The following PICALM variants were observed in gnomAD, a reference collection of about 807,000 sequenced individuals.
The protein encoded by PICALM is phosphatidylinositol-binding clathrin assembly protein.
Under a neutral mutation model 80.5 loss-of-function variants are expected in PICALM, and 40 were observed. The ratio of observed to expected loss-of-function variants is 0.50; its 90% CI spans 0.39 to 0.65. The LOEUF is 0.65. PICALM is among the 30% of genes least tolerant of loss of function. The pLI, the probability that PICALM is intolerant of heterozygous loss-of-function variation, is 0.00. For missense variants in PICALM, 676 were observed against 778.9 expected (o/e 0.87, Z 1.57); for synonymous variants, 288 against 260.3 (o/e 1.11, Z -1.02).
At chr11:86,066,828 G>A (rs2096455022) in intron 1 of PICALM, among the ~76,000 whole-genome samples, 1 of 151,560 alleles carries the variant, frequency 6.6e-6, no homozygotes, top group Non-Finnish European at 1.5e-5. Flanking sequence ...GATTTGGTAG[G>A]GCAAACCAAG....
intron 8 of PICALM, among the ~76,000 whole-genome samples, chr11:86,004,757 T>C (rs532002463): frequency 4.6e-5 from 7 of 152,322 alleles, no homozygotes; most frequent in African/African-American, 9.6e-5. Context: ...TTCTCTATCA[T>C]TGATGGCTTT....
At chr11:85,967,419 C>T (rs1459403369) in intron 19 of PICALM, among the ~76,000 whole-genome samples, 2 of 152,166 alleles carry the variant, frequency 1.3e-5, no homozygotes, top group East Asian at 3.8e-4. Flanking sequence ...TAGTAATAAG[C>T]AAGGTCTTAT....
intron 14 of PICALM, 108 bp downstream of exon 14, chr11:85,983,758 C>T: frequency 2.0e-6 from 1 of 509,910 alleles, no homozygotes; most frequent in Non-Finnish European, 3.5e-6. Flanking sequence ...ATTTCTTTGG[C>T]TACCCCAGTT....
chr11:86,058,119 C>T (rs1236084167), intron 1 of PICALM, among the ~76,000 whole-genome samples: 4 of 152,056 alleles, frequency 2.6e-5, no homozygotes, highest in African/African-American at 4.8e-5. Context: ...TTATTTTTTG[C>T]GATATACTTA....
chr11:86,047,058 T>C (rs2096084620), intron 1 of PICALM, among the ~76,000 whole-genome samples: 1 of 152,248 alleles, frequency 6.6e-6, no homozygotes, highest in African/African-American at 2.4e-5. Context: ...TTTAAATACT[T>C]GTCTAAAGTA....
At chr11:85,986,673 A>T (rs184898685) in intron 13 of PICALM, among the ~76,000 whole-genome samples, 9 of 151,804 alleles carry the variant, frequency 5.9e-5, no homozygotes, top group Admixed American at 5.9e-4. Flanking sequence ...TACAGGCGTG[A>T]GCCACCGCGC....
At chr11:86,018,125 C>T (rs1858573248) in intron 4 of PICALM, among the ~76,000 whole-genome samples, 1 of 152,136 alleles carries the variant, frequency 6.6e-6, no homozygotes, top group Non-Finnish European at 1.5e-5. Context: ...AGAATTCAAA[C>T]CTAGATTCAT....
intron 1 of PICALM, among the ~76,000 whole-genome samples, chr11:86,043,539 A>G (rs2096012483): frequency 6.6e-6 from 1 of 152,228 alleles, no homozygotes; most frequent in African/African-American, 2.4e-5. Flanking sequence ...TAAATGTCCC[A>G]TTTTTGTTTT....
intron 1 of PICALM, among the ~76,000 whole-genome samples, chr11:86,057,295 T>C (rs551488077): frequency 1.2e-4 from 19 of 152,188 alleles, no homozygotes; most frequent in African/African-American, 4.3e-4. Flanking sequence ...TCCCAGCACT[T>C]TGGGAGGCCG....
At chr11:85,968,941 T>C (rs2094000109) in intron 19 of PICALM, among the ~76,000 whole-genome samples, 1 of 132,104 alleles carries the variant, frequency 7.6e-6, no homozygotes, top group Admixed American at 8.0e-5. Flanking sequence ...TACAGAAAAA[T>C]GACTCAACAC....
chr11:86,059,329 A>C (rs554016261), intron 1 of PICALM, among the ~76,000 whole-genome samples: 1 of 152,342 alleles, frequency 6.6e-6, no homozygotes, highest in East Asian at 1.9e-4. Context: ...TCTGTGGAGG[A>C]AATGTGCATA....
intron 6 of PICALM, among the ~76,000 whole-genome samples, chr11:86,011,706 T>C (rs1268878578): frequency 6.6e-6 from 1 of 152,154 alleles, no homozygotes; most frequent in African/African-American, 2.4e-5. Context: ...CTTCAGACTA[T>C]AAAAAACAGA....
chr11:85,958,888 A>G lies in PICALM; in HGVS notation c.*158T>C, dbSNP rs982378022. On this transcript the variant is annotated 3_prime_UTR_variant, in exon 20 of 20. Transcript: ENST00000393346. The stretch of plus-strand genomic sequence containing the variant: ...TACGTTCTCCTATAAACTAGTCCCA[A>G]TTTCCTTCATGGGCCTTCACTGAGT... 12 of 542,220 alleles carry G rather than the reference A, an allele frequency of 2.2e-5. No homozygotes were observed. The highest frequency in any genetic ancestry group is 3.1e-5 in the Non-Finnish European group (9 of 293,774). 33.6% of individuals were successfully genotyped at this position (542,220 alleles called of 1,614,324 possible). A position where few individuals can be genotyped will look rare whatever the true frequency, so the allele number is the denominator to read the frequency against.
chr11:86,030,190 A>G (rs991401643), intron 2 of PICALM, among the ~76,000 whole-genome samples: 2 of 152,204 alleles, frequency 1.3e-5, no homozygotes, highest in Admixed American at 6.5e-5. Context: ...CTACATTATG[A>G]TTATAGCCAT....
At chr11:85,959,152 C>T (rs868371551) in intron 19 of PICALM, 92 bp from the exon 20 acceptor site, 1 of 776,428 alleles carries the variant, frequency 1.3e-6, no homozygotes, top group Middle Eastern at 3.2e-4. Context: ...ATTTAACTGG[C>T]CCAGAAGTGT....
chr11:86,018,438 A>C (rs1398131826), intron 4 of PICALM, among the ~76,000 whole-genome samples: 1 of 152,248 alleles, frequency 6.6e-6, no homozygotes, highest in African/African-American at 2.4e-5. Context: ...ATGTATATAT[A>C]TCTCAATGAC....
rs1309716599 is a variant in PICALM, at chr11:85,967,047, A to C, written c.1944+7661T>G. Reference sequence around the variant, plus strand: ...TACACTTTGTTACAGCAGTCCTAGGAAACTATAATATAAACTCTAATGCAG... The same window carrying C: ...TACACTTTGTTACAGCAGTCCTAGGCAACTATAATATAAACTCTAATGCAG... On this transcript the variant is annotated intron_variant, in intron 19 of 19. Coordinates refer to ENST00000393346, the MANE Select transcript of PICALM (RefSeq NM_007166.4). Among the ~76,000 whole-genome samples, 5 of 152,306 alleles carry C rather than the reference A, an allele frequency of 3.3e-5. 1 individual carries two copies. The East Asian group carries it at 5.8e-4, about 18-fold the overall frequency.
At chr11:86,036,280 G>A (rs1455938809) in intron 1 of PICALM, among the ~76,000 whole-genome samples, 1 of 152,104 alleles carries the variant, frequency 6.6e-6, no homozygotes, top group Non-Finnish European at 1.5e-5. Context: ...GAAATGAAAT[G>A]AACAGTCTTA....
intron 18 of PICALM, among the ~76,000 whole-genome samples, 161 bp from the exon 19 acceptor site, chr11:85,974,973 A>G (rs1352797596): frequency 6.6e-6 from 1 of 152,190 alleles, no homozygotes; most frequent in African/African-American, 2.4e-5. Context: ...CAAACTTTCG[A>G]GAGTATTTTT....
Sources: allele counts gnomAD v4.1 joint callset (sites outside exome capture counted in the v4.1 genomes callset), GRCh38; gene constraint gnomAD v4.1.1; transcripts MANE v1.5; gene names NCBI Gene and HGNC (gene_info 2026-07-23, HGNC 2026-07-21).